The following GPR180 variants were observed in gnomAD, a reference collection of about 807,000 sequenced individuals.
GPR180 encodes the protein G protein-coupled receptor 180.
A neutral mutation model predicts 52.6 loss-of-function variants in GPR180; 53 were observed. The observed-to-expected ratio is 1.01, with a 90% confidence interval of 0.81 to 1.27. The LOEUF (loss-of-function observed/expected upper bound fraction) is 1.27. Ranked by LOEUF, GPR180 falls within the 50% of genes most tolerant of loss-of-function variation. The pLI, the probability that GPR180 is intolerant of heterozygous loss-of-function variation, is 0.00. For missense variants in GPR180, 533 were observed against 527.0 expected, an observed-to-expected ratio of 1.01 and a Z score of -0.11; for synonymous variants, 200 against 193.1, an observed-to-expected ratio of 1.04 and a Z score of -0.30.
chr13:94,624,658 T>C (rs113337376), intron 7 of GPR180, among the ~76,000 whole-genome samples: 293 of 151,792 alleles, frequency 1.9e-3, no homozygotes, highest in African/African-American at 3.9e-3. Flanking sequence ...TCCGGGTTCA[T>C]GCCATTCTCC....
chr13:94,602,054 G>C lies in GPR180; in HGVS notation c.127G>C (p.Gly43Arg). Residue 43 changes from glycine (G) to arginine (R), a missense_variant, in exon 1 of 9, where the codon GGC (glycine) becomes CGC (arginine). Coordinates refer to ENST00000376958, the MANE Select transcript of GPR180 (RefSeq NM_180989.6). ...CCAGGACGCCCAGGGCCAGCGCATC[G>C]GCCACTTCGAGTTCCATGGTAGGTC... ...AAQDAQGQRI[G>R]HFEFHGDHAL... 7.1e-7 allele frequency: 1 copy of C among 1,411,114 alleles called. No homozygotes were observed. Among genetic ancestry groups the C allele is most frequent in the Non-Finnish European group, 9.3e-7 (1 of 1,078,098 alleles). The allele number at this position is 1,411,114 out of a possible 1,614,324, so 87.4% of individuals were successfully genotyped here.
chr13:94,618,276 A>T (rs1330972280), intron 3 of GPR180, among the ~76,000 whole-genome samples: 2 of 152,048 alleles, frequency 1.3e-5, no homozygotes, highest in Non-Finnish European at 2.9e-5. Flanking sequence ...TCTGCTTTAT[A>T]GTTTGATCTA....
intron 1 of GPR180, 56 bp downstream of exon 1, chr13:94,602,128 A>G (rs9556404): frequency 0.68 from 857,979 of 1,260,096 alleles, 296,883 homozygotes; most frequent in African/African-American, 0.91. Flanking sequence ...CCGCCGGCTG[A>G]GTCCGCCGGC....
At chr13:94,609,794 T>C (rs184182683) in intron 2 of GPR180, among the ~76,000 whole-genome samples, 60 of 152,120 alleles carry the variant, frequency 3.9e-4, no homozygotes, top group Admixed American at 7.2e-4. Context: ...AGCTAACTTA[T>C]AGTAGCCAAA....
At chr13:94,623,683 CAAAAAA>C (rs60779190) in intron 7 of GPR180, among the ~76,000 whole-genome samples, 1 of 73,478 alleles carries the variant, frequency 1.4e-5, no homozygotes, top group African/African-American at 5.0e-5. Context: ...TTCTTTTTTT[CAAAAAA>C]AAAAAAAAAA....
chr13:94,626,938 T>C, intron 8 of GPR180, 75 bp from the exon 9 acceptor site: 1 of 1,117,876 alleles, frequency 8.9e-7, no homozygotes. Flanking sequence ...AAAGCATATA[T>C]AGATTCATAA....
intron 5 of GPR180, 135 bp from the exon 6 acceptor site, chr13:94,620,943 A>T: frequency 1.4e-6 from 1 of 713,016 alleles, no homozygotes. Flanking sequence ...CTCTTAATGA[A>T]TTTCGTTAGC....
At chr13:94,604,908 A>C (rs1889609879) in intron 1 of GPR180, among the ~76,000 whole-genome samples, 1 of 152,082 alleles carries the variant, frequency 6.6e-6, no homozygotes, top group Non-Finnish European at 1.5e-5. Flanking sequence ...GTAGATACCA[A>C]ATTTTGTTTT....
At chr13:94,615,708 T>C (rs1442399267) in intron 3 of GPR180, among the ~76,000 whole-genome samples, 2 of 152,230 alleles carry the variant, frequency 1.3e-5, no homozygotes, top group East Asian at 1.9e-4. Context: ...GAGAGTGTTA[T>C]TACCTAAAGG....
chr13:94,605,797 A>G (rs568163743), intron 2 of GPR180, among the ~76,000 whole-genome samples: 2 of 152,316 alleles, frequency 1.3e-5, no homozygotes, highest in East Asian at 1.9e-4. Context: ...TACAGTTTGC[A>G]TAATTTATGC....
chr13:94,619,559 C>A (rs763547341), intron 5 of GPR180, 42 bp downstream of exon 5: 50 of 1,475,764 alleles, frequency 3.4e-5, no homozygotes, highest in Non-Finnish European at 4.3e-5. Context: ...CTTTTACACT[C>A]GCTATCTGCT....
intron 1 of GPR180, among the ~76,000 whole-genome samples, chr13:94,603,752 A>G (rs1016779052): frequency 6.6e-6 from 1 of 152,136 alleles, no homozygotes; most frequent in African/African-American, 2.4e-5. Context: ...TAGAAAAAAA[A>G]TTTCCAGGAG....
In GPR180 at chr13:94,632,227, G is replaced by C. The variant is rs1890007998; in HGVS notation, c.*5056G>C. The C allele has an allele frequency of 6.6e-6, 1 of 152,174 alleles. No individual in the cohort carries two copies. Among genetic ancestry groups the C allele is most frequent in the Non-Finnish European group, 1.5e-5 (1 of 68,032 alleles). 9.4% of individuals were successfully genotyped at this position (152,174 alleles called of 1,614,324 possible). On this transcript the variant is annotated 3_prime_UTR_variant, in exon 9 of 9. Transcript: ENST00000376958. ...GAAAACCTTCTAATGTTTTCTTCTT[G>C]TTAAACAGGTAATATATGCACATTG...
rs768122898 is a variant in GPR180, at chr13:94,626,063, A to G, written c.1164+20A>G. The stretch of plus-strand genomic sequence containing the variant: ...GACAAGGTAAGAAATATACATGATC[A>G]AAGTAGTTTTCTTAATGAAAATATT... On this transcript the variant is annotated intron_variant, in intron 8 of 8. Coordinates refer to ENST00000376958, the MANE Select transcript of GPR180 (RefSeq NM_180989.6). The G allele has an allele frequency of 2.3e-5, 35 of 1,523,186 alleles. No homozygotes were observed. Among genetic ancestry groups the G allele is most frequent in the Non-Finnish European group, 3.2e-5 (35 of 1,100,974 alleles). The allele number at this position is 1,523,186 out of a possible 1,614,324, so 94.4% of individuals were successfully genotyped here.
intron 7 of GPR180, among the ~76,000 whole-genome samples, 187 bp downstream of exon 7, chr13:94,623,487 A>T (rs1889881137): frequency 6.6e-6 from 1 of 152,060 alleles, no homozygotes. Flanking sequence ...CAAGTTGGAA[A>T]CCAGCCTGGG....
chr13:94,621,425 T>G (rs965663728), intron 6 of GPR180, among the ~76,000 whole-genome samples, 190 bp downstream of exon 6: 1 of 152,234 alleles, frequency 6.6e-6, no homozygotes, highest in East Asian at 1.9e-4. Context: ...CAAATAATCT[T>G]AATTATCTGG....
chr13:94,624,614 G>T (rs1314407375), intron 7 of GPR180, among the ~76,000 whole-genome samples: 2 of 152,224 alleles, frequency 1.3e-5, no homozygotes, highest in Non-Finnish European at 2.9e-5. Context: ...CTGGAGTGCA[G>T]TGGCGTGATC....
rs563348743 is a variant in GPR180, at chr13:94,622,503, C to T, written c.895-606C>T. Among the ~76,000 whole-genome samples the T allele has an allele frequency of 3.0e-4, 46 of 152,240 alleles. 1 individual carries two copies. The South Asian group carries it at 3.3e-3, about 11-fold the overall frequency. On this transcript the variant is annotated intron_variant, in intron 6 of 8. Coordinates refer to ENST00000376958, the MANE Select transcript of GPR180 (RefSeq NM_180989.6). The stretch of plus-strand genomic sequence containing the variant: ...CAGTCAGAGACTATACAAATACATA[C>T]GTATTTTATACAGATCACATATTAG...
chr13:94,631,487 T>C lies in GPR180; in HGVS notation c.*4316T>C, dbSNP rs920515247. The C allele has an allele frequency of 1.3e-5, 2 of 151,574 alleles. No individual in the cohort carries two copies. The highest frequency in any genetic ancestry group is 1.3e-4 in the Admixed American group (2 of 15,178). The allele number at this position is 151,574 out of a possible 1,614,324, so 9.4% of individuals were successfully genotyped here. ...CTATTCCCCCATCCTAGTTCTATCA[T>C]ATTATCCCTTTTTTTGTTTGTTGTA... On this transcript the variant is annotated 3_prime_UTR_variant, in exon 9 of 9. Coordinates refer to ENST00000376958, the MANE Select transcript of GPR180 (RefSeq NM_180989.6).
Sources: gnomAD v4.1 joint callset for allele counts (sites outside exome capture counted in the v4.1 genomes callset) on GRCh38, gnomAD v4.1.1 for gene constraint, MANE v1.5 for transcripts, NCBI Gene and HGNC (gene_info 2026-07-23, HGNC 2026-07-21) for gene names.